The following HERC3 variants were observed in gnomAD, a reference collection of about 807,000 sequenced individuals.
The protein encoded by HERC3 is HECT and RLD domain containing E3 ubiquitin protein ligase 3, also known as probable E3 ubiquitin-protein ligase HERC3.
A neutral mutation model predicts 129.9 loss-of-function variants in HERC3; 58 were observed. The ratio of observed to expected loss-of-function variants is 0.45; its 90% CI spans 0.36 to 0.56. The LOEUF (loss-of-function observed/expected upper bound fraction) is 0.56, where lower values mean the gene tolerates loss of function less well. Ranked by LOEUF, HERC3 falls within the 20% of genes least tolerant of loss-of-function variation. The probability of loss-of-function intolerance (pLI) is 0.00; values close to 1 mark genes in which losing one functional copy is unlikely to be tolerated. For synonymous variants in HERC3, 430 were observed against 451.0 expected (o/e 0.95, Z 0.59); for missense variants, 835 against 1,244.2 (o/e 0.67, Z 4.95).
the HERC3 span, among the ~76,000 whole-genome samples, chr4:88,545,595 T>G: frequency 1.6e-4 from 24 of 152,070 alleles, no homozygotes; most frequent in Admixed American, 8.5e-4. Flanking sequence ...GTATGAGAAT[T>G]TTTTTTCTTT....
chr4:88,620,927 C>CCTT (rs376391201), intron 3 of HERC3, among the ~76,000 whole-genome samples: 6 of 152,260 alleles, frequency 3.9e-5, no homozygotes, highest in African/African-American at 1.4e-4. Flanking sequence ...TGTTTCCTAC[C>CCTT]CTTCCCAGCA....
Position 88,654,134 on chromosome 4 carries a change from G to A in HERC3, c.777+1G>A. ...AGAACACACAGCAGTTCTCACAAAG[G>A]TAAGGAGCTCAGAGTATTTTACTTT... On this transcript the variant is annotated splice_donor_variant, in intron 7 of 25. Coordinates refer to ENST00000402738, the MANE Select transcript of HERC3 (RefSeq NM_014606.3). LOFTEE classifies it high-confidence loss of function. 6.2e-7 allele frequency: 1 copy of A among 1,607,342 alleles called. No homozygotes were observed.
the HERC3 span, among the ~76,000 whole-genome samples, chr4:88,569,981 C>T: frequency 6.6e-6 from 1 of 152,196 alleles, no homozygotes; most frequent in Non-Finnish European, 1.5e-5. Context: ...AGTGCAGTGC[C>T]CACTTCCTCT....
chr4:88,578,901 T>C, the HERC3 span, among the ~76,000 whole-genome samples: 2 of 152,066 alleles, frequency 1.3e-5, no homozygotes, highest in African/African-American at 2.4e-5. Context: ...GCATCACCCC[T>C]ACAAAAAATG....
chr4:88,630,609 T>G (rs1726640637), intron 3 of HERC3, among the ~76,000 whole-genome samples: 1 of 152,236 alleles, frequency 6.6e-6, no homozygotes, highest in South Asian at 2.1e-4. Flanking sequence ...CATGATAGCA[T>G]GTGAGCTGAA....
intron 18 of HERC3, among the ~76,000 whole-genome samples, chr4:88,676,685 A>T (rs995751536): frequency 6.6e-6 from 1 of 152,254 alleles, no homozygotes; most frequent in African/African-American, 2.4e-5. Flanking sequence ...TGTTACAACT[A>T]TTCAACTCTA....
the HERC3 span, among the ~76,000 whole-genome samples, chr4:88,559,521 A>C: frequency 6.6e-6 from 1 of 152,132 alleles, no homozygotes; most frequent in Non-Finnish European, 1.5e-5. Context: ...CAGATTCCAG[A>C]TATAAGTGAG....
chr4:88,556,660 C>G, the HERC3 span, among the ~76,000 whole-genome samples: 1 of 152,074 alleles, frequency 6.6e-6, no homozygotes. Flanking sequence ...GCTTCCTTAC[C>G]CTTCTGCAAT....
At chr4:88,652,117 CTA>C (rs1222218544) in intron 5 of HERC3, 29 bp downstream of exon 5, 2 of 1,443,960 alleles carry the variant, frequency 1.4e-6, no homozygotes, top group South Asian at 2.3e-5. Context: ...TATGCTAATG[CTA>C]TGTTAATTTT....
At chr4:88,532,451 C>T in the HERC3 span, among the ~76,000 whole-genome samples, 1 of 152,196 alleles carries the variant, frequency 6.6e-6, no homozygotes, top group Non-Finnish European at 1.5e-5. Context: ...AAATGAGAAG[C>T]AAATGCACCC....
the HERC3 span, among the ~76,000 whole-genome samples, chr4:88,547,291 A>G: frequency 6.6e-6 from 1 of 152,222 alleles, no homozygotes; most frequent in South Asian, 2.1e-4. Context: ...TAATCACTGC[A>G]TTATTGTAAC....
At chr4:88,580,529 A>G in the HERC3 span, among the ~76,000 whole-genome samples, 4 of 151,874 alleles carry the variant, frequency 2.6e-5, no homozygotes, top group South Asian at 2.1e-4. Flanking sequence ...TAAAAAAAGG[A>G]AAAAAAAGGA....
chr4:88,676,506 G>A lies in HERC3; in HGVS notation c.2025+83G>A, dbSNP rs970491809. 7.3e-6 allele frequency: 7 copies of A among 954,032 alleles called. No homozygotes were observed. The African/African-American group carries it at 1.0e-4, about 14-fold the overall frequency. 59.1% of individuals were successfully genotyped at this position (954,032 alleles called of 1,614,324 possible). On this transcript the variant is annotated intron_variant, in intron 18 of 25. Coordinates refer to ENST00000402738, the MANE Select transcript of HERC3 (RefSeq NM_014606.3). ...TCAGTTGTAATTTTTTCTAGTAGGA[G>A]AAAACATATTTGGTTGAAATTCCAT... is the stretch of plus-strand genomic sequence containing the variant.
chr4:88,643,382 A>G (rs1728342444), intron 3 of HERC3, among the ~76,000 whole-genome samples: 1 of 152,236 alleles, frequency 6.6e-6, no homozygotes. Context: ...GTAGATATAG[A>G]CAAGCCAATT....
At chr4:88,639,474 A>G (rs1727829400) in intron 3 of HERC3, among the ~76,000 whole-genome samples, 1 of 152,242 alleles carries the variant, frequency 6.6e-6, no homozygotes, top group Admixed American at 6.5e-5. Flanking sequence ...CCTGACAAAA[A>G]CAAACAATGG....
chr4:88,528,989 A>G, the HERC3 span, among the ~76,000 whole-genome samples: 2 of 152,214 alleles, frequency 1.3e-5, no homozygotes, highest in East Asian at 1.9e-4. Context: ...ATAAATGAAT[A>G]AAGTATTAAT....
At chr4:88,526,597 T>A in the HERC3 span, among the ~76,000 whole-genome samples, 1 of 152,294 alleles carries the variant, frequency 6.6e-6, no homozygotes, top group South Asian at 2.1e-4. Context: ...AGTACAGTGG[T>A]GCAGTCGTGA....
At chr4:88,621,124 T>C (rs1725468021) in intron 3 of HERC3, among the ~76,000 whole-genome samples, 2 of 152,206 alleles carry the variant, frequency 1.3e-5, no homozygotes, top group Admixed American at 1.3e-4. Flanking sequence ...AGTTTTTTTT[T>C]TGAGTCGGAG....
the HERC3 span, among the ~76,000 whole-genome samples, chr4:88,530,472 A>C: frequency 6.6e-6 from 1 of 152,222 alleles, no homozygotes; most frequent in Non-Finnish European, 1.5e-5. Context: ...GCTGTGCCTA[A>C]GGCCTAAGGA....
Sources: allele counts gnomAD v4.1 joint callset (sites outside exome capture counted in the v4.1 genomes callset), GRCh38; gene constraint gnomAD v4.1.1; transcripts MANE v1.5; gene names NCBI Gene and HGNC (gene_info 2026-07-23, HGNC 2026-07-21).